Variants in POU6F2 observed in about 807,000 individuals in gnomAD.
The protein encoded by POU6F2 is POU class 6 homeobox 2, also known as POU domain, class 6, transcription factor 2.
In POU6F2, 31 loss-of-function variants were observed where a neutral mutation model predicts 71.3. The ratio of observed to expected loss-of-function variants is 0.43; its 90% CI spans 0.33 to 0.59. POU6F2 has a LOEUF of 0.59. POU6F2 is among the 20% of genes least tolerant of loss of function. The pLI is 0.04. For synonymous variants in POU6F2, 347 were observed against 355.7 expected, an observed-to-expected ratio of 0.98 and a Z score of 0.27; for missense variants, 783 against 856.8, an observed-to-expected ratio of 0.91 and a Z score of 1.07.
At chr7:39,106,407 A>G (rs969344707) in intron 2 of POU6F2, among the ~76,000 whole-genome samples, 11 of 152,218 alleles carry the variant, frequency 7.2e-5, no homozygotes, top group Non-Finnish European at 4.4e-5. Context: ...ACCTAATGCT[A>G]TAACTGTGCT....
chr7:39,415,679 G>T (rs963992239), intron 6 of POU6F2, among the ~76,000 whole-genome samples: 1 of 152,176 alleles, frequency 6.6e-6, no homozygotes, highest in African/African-American at 2.4e-5. Flanking sequence ...TTAGAGGAGT[G>T]CTAGGCTTTA....
intron 5 of POU6F2, among the ~76,000 whole-genome samples, chr7:39,381,857 T>C (rs1231300689): frequency 1.3e-5 from 2 of 152,200 alleles, no homozygotes. Flanking sequence ...AGTAAAGTTA[T>C]ACAAGCTCTT....
intron 1 of POU6F2, among the ~76,000 whole-genome samples, chr7:38,993,611 A>AACACACACACACAC (rs10553247): frequency 3.1e-5 from 4 of 130,494 alleles, no homozygotes; most frequent in African/African-American, 1.1e-4. Context: ...CAGGATTTTA[A>AACACACACACACAC]ACACACACAC....
At chr7:39,361,947 A>G (rs17701573) in intron 5 of POU6F2, among the ~76,000 whole-genome samples, 30,424 of 152,098 alleles carry the variant, frequency 0.2, 3,601 homozygotes, top group East Asian at 0.59. Context: ...TGGATGTAGC[A>G]TGTCCCTCAC....
rs548415134 is a variant in POU6F2 at position 39,240,334 on chromosome 7, G to A, written c.598+32714G>A. 2.0e-5 allele frequency among the ~76,000 whole-genome samples: 3 copies of A among 152,270 alleles called. No individual in the cohort carries two copies. The South Asian group carries it at 6.2e-4, about 32-fold the overall frequency. On this transcript the variant is annotated intron_variant, in intron 4 of 9. Coordinates refer to ENST00000518318, the MANE Select transcript of POU6F2 (RefSeq NM_001370959.1). ...TAAAGAACTTTATGGAAAGGGCAGT[G>A]GCTCTGAGTACCAAATTCTGGTTCT...
At chr7:39,020,578 T>C (rs1232025511) in intron 1 of POU6F2, among the ~76,000 whole-genome samples, 1 of 152,190 alleles carries the variant, frequency 6.6e-6, no homozygotes. Flanking sequence ...ATTTTACATC[T>C]GTAAGATACA....
rs192566608 is a variant in POU6F2 at position 39,108,584 on chromosome 7, C to T, written c.277+22553C>T. ...TCCCCCAGCCTAGGCTGGTTGTGTACACCCAGGGAATATTTCCTAGAGATA... is the reference window on the plus strand; with the variant it reads ...TCCCCCAGCCTAGGCTGGTTGTGTATACCCAGGGAATATTTCCTAGAGATA... On this transcript the variant is annotated intron_variant, in intron 2 of 9. Coordinates refer to ENST00000518318, the MANE Select transcript of POU6F2 (RefSeq NM_001370959.1). Among the ~76,000 whole-genome samples, 8 of 152,290 alleles carry T rather than the reference C, an allele frequency of 5.3e-5. No homozygotes were observed. The East Asian group carries it at 1.5e-3, about 29-fold the overall frequency.
intron 2 of POU6F2, among the ~76,000 whole-genome samples, chr7:39,132,827 T>G (rs967072211): frequency 6.6e-6 from 1 of 152,192 alleles, no homozygotes; most frequent in Non-Finnish European, 1.5e-5. Flanking sequence ...GATTTTTTTT[T>G]CTTCACTTAC....
chr7:39,356,875 A>G (rs1233079753), intron 5 of POU6F2, among the ~76,000 whole-genome samples: 2 of 152,178 alleles, frequency 1.3e-5, no homozygotes, highest in Non-Finnish European at 1.5e-5. Flanking sequence ...GGTTTTGGGA[A>G]ATGGGGGCTT....
At chr7:39,416,090 G>GCACACACACA (rs1245211895) in intron 6 of POU6F2, among the ~76,000 whole-genome samples, 5 of 69,966 alleles carry the variant, frequency 7.1e-5, no homozygotes, top group African/African-American at 1.9e-4. Flanking sequence ...TCTCTCGAAG[G>GCACACACACA]CATACACACA....
chr7:39,431,620 T>A (rs1788103909), intron 6 of POU6F2, among the ~76,000 whole-genome samples: 1 of 152,072 alleles, frequency 6.6e-6, no homozygotes, highest in African/African-American at 2.4e-5. Flanking sequence ...CTGTGGGAGC[T>A]AGGGGGAAGG....
intron 4 of POU6F2, among the ~76,000 whole-genome samples, chr7:39,234,027 T>C (rs1222695767): frequency 6.6e-6 from 1 of 152,124 alleles, no homozygotes; most frequent in African/African-American, 2.4e-5. Flanking sequence ...ACATAAATTT[T>C]ATGGAAACTA....
intron 4 of POU6F2, among the ~76,000 whole-genome samples, chr7:39,281,270 C>T (rs543810190): frequency 1.3e-5 from 2 of 152,156 alleles, no homozygotes; most frequent in South Asian, 2.1e-4. Context: ...GCATACCTGT[C>T]GCCTCATACA....
intron 1 of POU6F2, among the ~76,000 whole-genome samples, chr7:39,017,878 T>C (rs1252872902): frequency 1.3e-5 from 2 of 151,782 alleles, no homozygotes; most frequent in African/African-American, 4.8e-5. Flanking sequence ...ATCCTATTAG[T>C]TTTCTTAATT....
intron 1 of POU6F2, among the ~76,000 whole-genome samples, chr7:39,029,022 A>G (rs4512300): frequency 0.2 from 30,930 of 151,690 alleles, 3,446 homozygotes; most frequent in South Asian, 0.36. Flanking sequence ...GAGTCTCACT[A>G]TGTTGCCCAG....
rs370266143 is a variant in POU6F2 at position 39,116,111 on chromosome 7, A to C, written c.277+30080A>C. On this transcript the variant is annotated intron_variant, in intron 2 of 9. Coordinates refer to ENST00000518318, the MANE Select transcript of POU6F2 (RefSeq NM_001370959.1). ...AGTTAAAATTATGAAGCGAGCCGGG[A>C]TGGTGGCTCACATCTGTAATTCCAG... 9.2e-5 allele frequency among the ~76,000 whole-genome samples: 14 copies of C among 152,282 alleles called. 1 individual carries two copies. The East Asian group carries it at 2.3e-3, about 25-fold the overall frequency.
At chr7:39,446,157 A>G (rs1032389135) in intron 7 of POU6F2, among the ~76,000 whole-genome samples, 1 of 152,342 alleles carries the variant, frequency 6.6e-6, no homozygotes, top group African/African-American at 2.4e-5. Context: ...AGGGCAAGTA[A>G]TGATGCCCTT....
chr7:39,454,403 T>C lies in POU6F2; in HGVS notation c.1489+2702T>C, dbSNP rs888659574. ...GAGGTGGGGCTAAAAGCTTCAAGCT[T>C]CTAATCATAGCTTTGTCTTTCTGAT... On this transcript the variant is annotated intron_variant, in intron 8 of 9. Coordinates refer to ENST00000518318, the MANE Select transcript of POU6F2 (RefSeq NM_001370959.1). Among the ~76,000 whole-genome samples the C allele has an allele frequency of 2.0e-5, 3 of 151,804 alleles. 1 individual carries two copies. Among genetic ancestry groups the C allele is most frequent in the Non-Finnish European group, 2.9e-5 (2 of 67,956 alleles).
At chr7:39,314,548 T>C (rs1309663330) in intron 4 of POU6F2, among the ~76,000 whole-genome samples, 2 of 152,216 alleles carry the variant, frequency 1.3e-5, no homozygotes, top group African/African-American at 4.8e-5. Context: ...TTTGTTTGCT[T>C]TTCTGTTTTG....
Sources: allele counts gnomAD v4.1 joint callset (sites outside exome capture counted in the v4.1 genomes callset), GRCh38; gene constraint gnomAD v4.1.1; transcripts MANE v1.5; gene names NCBI Gene and HGNC (gene_info 2026-07-23, HGNC 2026-07-21).